RPS6KA3: variants seen among roughly 807,000 people sequenced by gnomAD.
The protein encoded by RPS6KA3 is ribosomal protein S6 kinase alpha-3.
RPS6KA3 carries 4 observed loss-of-function variants against 67.2 expected under a neutral mutation model. The ratio of observed to expected loss-of-function variants is 0.06; its 90% confidence interval spans 0.03 to 0.14. The LOEUF (loss-of-function observed/expected upper bound fraction) is 0.14. Among genes scored for constraint, RPS6KA3 ranks in the 10% least tolerant of loss-of-function variants. RPS6KA3 has a pLI of 1.00. For synonymous variants in RPS6KA3, 182 were observed against 183.7 expected, an observed-to-expected ratio of 0.99 and a Z score of 0.07; for missense variants, 204 against 559.0, an observed-to-expected ratio of 0.36 and a Z score of 6.40.
At chrX:20,248,627 C>T (rs1290367942) in intron 1 of RPS6KA3, among the ~76,000 whole-genome samples, 5 of 111,556 alleles carry the variant, frequency 4.5e-5, no homozygotes, top group South Asian at 3.7e-4. Context: ...GGACTACAGG[C>T]GCCCTCCACC....
chrX:20,179,751 T>A (rs1244108630), intron 10 of RPS6KA3, among the ~76,000 whole-genome samples: 4 of 111,435 alleles, frequency 3.6e-5, no homozygotes, highest in African/African-American at 1.3e-4. Flanking sequence ...GGAAAGTTTG[T>A]TGAGAAAATA....
intron 10 of RPS6KA3, among the ~76,000 whole-genome samples, chrX:20,178,506 CAG>C (rs1359342013): frequency 1.1e-5 from 1 of 87,990 alleles, no homozygotes; most frequent in Non-Finnish European, 2.1e-5. Flanking sequence ...TTTTTTAAGA[CAG>C]AGTATCCAGG....
chrX:20,210,049 T>A (rs1045336542), intron 2 of RPS6KA3, among the ~76,000 whole-genome samples: 3 of 112,079 alleles, frequency 2.7e-5, no homozygotes, highest in African/African-American at 9.7e-5. Context: ...TTTGGATGGA[T>A]AATCAGACAT....
chrX:20,184,788 T>C lies in RPS6KA3; in HGVS notation c.845+1508A>G, dbSNP rs188780981. On this transcript the variant is annotated intron_variant, in intron 10 of 21. Transcript: ENST00000379565. ...TTACAACACTGGGTCTGTCATAACATGAACATGGTATATTCTTTCAAGTTA... is the reference window on the plus strand; with the variant it reads ...TTACAACACTGGGTCTGTCATAACACGAACATGGTATATTCTTTCAAGTTA... Among the ~76,000 whole-genome samples, 110 of 111,797 alleles carry C rather than the reference T, an allele frequency of 9.8e-4. 1 individual carries two copies. Among genetic ancestry groups the C allele is most frequent in the African/African-American group, 3.3e-3 (102 of 30,870 alleles).
chrX:20,232,177 T>C (rs775541129), intron 2 of RPS6KA3, among the ~76,000 whole-genome samples: 2 of 111,792 alleles, frequency 1.8e-5, no homozygotes, highest in African/African-American at 3.3e-5. Context: ...ACCAAAAAAC[T>C]ATAAAAGATC....
At chrX:20,202,279 G>A (rs1281513024) in intron 4 of RPS6KA3, among the ~76,000 whole-genome samples, 5 of 110,389 alleles carry the variant, frequency 4.5e-5, no homozygotes, top group African/African-American at 6.6e-5. Flanking sequence ...CACTGTGCCC[G>A]GCTGAGCTCA....
rs2067287932 is a variant in RPS6KA3 at position 20,160,810 on chromosome X, AG to A, written c.1959+833del. On this transcript the variant is annotated intron_variant, in intron 20 of 21. Transcript: ENST00000379565. The stretch of plus-strand genomic sequence containing the variant: ...TTGGTCAACTGAGGCTTCAGGCCCT[AG>A]GCCAACAGAATCTATATACACTTTT... 2.7e-5 allele frequency among the ~76,000 whole-genome samples: 3 copies of A among 112,355 alleles called. No homozygotes were observed. In the South Asian group the frequency reaches 1.1e-3, roughly 41 times the overall value.
intron 18 of RPS6KA3, 147 bp downstream of exon 18, chrX:20,164,752 T>C (rs1482076679): frequency 1.9e-6 from 1 of 516,673 alleles, no homozygotes; most frequent in African/African-American, 2.4e-5. Context: ...CACTGAAACA[T>C]TAAACAGGGA....
At chrX:20,218,278 T>C (rs1025988420) in intron 2 of RPS6KA3, among the ~76,000 whole-genome samples, 3 of 112,215 alleles carry the variant, frequency 2.7e-5, no homozygotes, top group African/African-American at 9.7e-5. Flanking sequence ...CTAAGTCAGA[T>C]AAAATTACTT....
At chrX:20,225,239 T>G (rs1254654379) in intron 2 of RPS6KA3, among the ~76,000 whole-genome samples, 4 of 92,813 alleles carry the variant, frequency 4.3e-5, no homozygotes, top group Admixed American at 1.2e-4. Context: ...GGTTTTTTTT[T>G]TTTGTTTTTT....
At chrX:20,169,225 C>A (rs2067515165) in intron 16 of RPS6KA3, among the ~76,000 whole-genome samples, 177 bp downstream of exon 16, 1 of 112,253 alleles carries the variant, frequency 8.9e-6, no homozygotes, top group East Asian at 2.8e-4. Flanking sequence ...GTCTTGAACT[C>A]CTGGCCTCAA....
intron 1 of RPS6KA3, among the ~76,000 whole-genome samples, chrX:20,244,455 T>C: frequency 8.9e-6 from 1 of 112,691 alleles, no homozygotes; most frequent in Admixed American, 9.4e-5. Flanking sequence ...CAGCTATCAT[T>C]TATTCATTGC....
At chrX:20,265,544 A>G (rs776833393) in intron 1 of RPS6KA3, 11 of 111,784 alleles carry the variant, frequency 9.8e-5, no homozygotes, top group Non-Finnish European at 1.7e-4. Flanking sequence ...GTAATCCCCT[A>G]AAGTCCGCTG....
chrX:20,261,081 G>A (rs1425382575), intron 1 of RPS6KA3, among the ~76,000 whole-genome samples: 1 of 110,116 alleles, frequency 9.1e-6, no homozygotes, highest in Non-Finnish European at 1.9e-5. Context: ...TTACTCACAC[G>A]TGGGACTCAT....
intron 1 of RPS6KA3, among the ~76,000 whole-genome samples, chrX:20,255,236 C>T (rs1407187786): frequency 9.0e-6 from 1 of 111,686 alleles, no homozygotes; most frequent in Non-Finnish European, 1.9e-5. Context: ...ACAAAGGCCA[C>T]ATACTGTAGG....
At chrX:20,214,841 CTT>C (rs753632500) in intron 2 of RPS6KA3, among the ~76,000 whole-genome samples, 8 of 90,290 alleles carry the variant, frequency 8.9e-5, no homozygotes, top group Non-Finnish European at 1.3e-4. Context: ...TTCTTTTTTT[CTT>C]TTTTTTTTTT....
At chrX:20,178,374 G>C (rs1352427253) in intron 10 of RPS6KA3, among the ~76,000 whole-genome samples, 1 of 110,741 alleles carries the variant, frequency 9.0e-6, no homozygotes, top group African/African-American at 3.3e-5. Context: ...AAAAATTCAT[G>C]ACCCAATGAG....
At chrX:20,241,977 A>G (rs191883219) in intron 1 of RPS6KA3, among the ~76,000 whole-genome samples, 1 of 111,941 alleles carries the variant, frequency 8.9e-6, no homozygotes, top group East Asian at 2.8e-4. Flanking sequence ...TCAAAAGAGA[A>G]TAAGAGATAA....
At chrX:20,263,323 T>A (rs1361954055) in intron 1 of RPS6KA3, among the ~76,000 whole-genome samples, 1 of 112,251 alleles carries the variant, frequency 8.9e-6, no homozygotes, top group Non-Finnish European at 1.9e-5. Flanking sequence ...AGAGCCATAA[T>A]TCCTACCTAT....
Sources: gnomAD v4.1 joint callset for allele counts (sites outside exome capture counted in the v4.1 genomes callset) on GRCh38, gnomAD v4.1.1 for gene constraint, MANE v1.5 for transcripts, NCBI Gene and HGNC (gene_info 2026-07-23, HGNC 2026-07-21) for gene names.